Variants in NDUFB10 observed in about 807,000 individuals in gnomAD.
NDUFB10 encodes the protein NADH:ubiquinone oxidoreductase subunit B10, also known as NADH dehydrogenase [ubiquinone] 1 beta subcomplex subunit 10.
A neutral mutation model predicts 19.0 loss-of-function variants in NDUFB10; 23 were observed. The ratio of observed to expected loss-of-function variants is 1.21; its 90% CI spans 0.87 to 1.71. The LOEUF is 1.71. Ranked by LOEUF, NDUFB10 falls within the 40% of genes most tolerant of loss-of-function variation. The pLI is 0.00. For synonymous variants in NDUFB10, 104 were observed against 81.8 expected, an observed-to-expected ratio of 1.27 and a Z score of -1.46; for missense variants, 312 against 230.6, an observed-to-expected ratio of 1.35 and a Z score of -2.29.
intron 1 of NDUFB10, among the ~76,000 whole-genome samples, chr16:1,960,415 G>A (rs1250751470): frequency 6.6e-6 from 1 of 152,114 alleles, no homozygotes; most frequent in Non-Finnish European, 1.5e-5. Context: ...TAGACACGGG[G>A]TTTCACCATG....
At chr16:1,960,141 G>A (rs544894113) in intron 1 of NDUFB10, among the ~76,000 whole-genome samples, 8 of 152,010 alleles carry the variant, frequency 5.3e-5, no homozygotes, top group African/African-American at 1.9e-4. Context: ...TCTGCCGGAT[G>A]ACCAAGTGTC....
chr16:1,960,669 C>T (rs2083248098), intron 1 of NDUFB10, among the ~76,000 whole-genome samples: 3 of 152,236 alleles, frequency 2.0e-5, no homozygotes, highest in South Asian at 2.1e-4. Context: ...AGTTGTAGAG[C>T]ATGTCTGTCC....
At position 1,959,547 on chromosome 16, in the gene NDUFB10, G is replaced by T; in HGVS notation, c.-78G>T. 2 of 1,491,480 alleles carry T rather than the reference G, an allele frequency of 1.3e-6. No homozygotes were observed. Among genetic ancestry groups the T allele is most frequent in the Non-Finnish European group, 1.8e-6 (2 of 1,116,086 alleles). The allele number at this position is 1,491,480 out of a possible 1,614,324, so 92.4% of individuals were successfully genotyped here. A position where few individuals can be genotyped will look rare whatever the true frequency, so the allele number is the denominator to read the frequency against. The stretch of plus-strand genomic sequence containing the variant: ...GCCCTCGGCGTCCTCTGTAGCGGGC[G>T]ACCTAGGCCGCGGGACCCGGACGGA... On this transcript the variant is annotated 5_prime_UTR_variant, in exon 1 of 4. Transcript: ENST00000268668.
rs1427128670 is a variant in NDUFB10 at position 1,959,717 on chromosome 16, C to T, written c.93C>T (p.Phe31=). 1.2e-6 allele frequency: 2 copies of T among 1,613,322 alleles called. No individual in the cohort carries two copies. Among genetic ancestry groups the T allele is most frequent in the African/African-American group, 1.3e-5 (1 of 74,880 alleles). ...PNPIVYMMKA[F]DLIVDRPVTL... ...CCATCGTCTACATGATGAAAGCGTTCGACCTCATCGTGGACCGACCCGTGA... is the reference window on the plus strand; with the variant it reads ...CCATCGTCTACATGATGAAAGCGTTTGACCTCATCGTGGACCGACCCGTGA... The change falls in exon 1 of 4, where the codon TTC becomes TTT. Residue 31 remains phenylalanine, a synonymous_variant. Transcript: ENST00000268668.
At chr16:1,961,322 C>A in intron 2 of NDUFB10, 31 bp downstream of exon 2, 1 of 1,612,844 alleles carries the variant, frequency 6.2e-7, no homozygotes, top group Non-Finnish European at 8.5e-7. Flanking sequence ...GTGTGGAGAT[C>A]TGCACCGTGT....
At chr16:1,961,045 A>C in intron 1 of NDUFB10, 108 bp from the exon 2 acceptor site, 1 of 1,346,074 alleles carries the variant, frequency 7.4e-7, no homozygotes, top group Non-Finnish European at 1.0e-6. Flanking sequence ...ACGCTGGAAC[A>C]CTCAGGAAGT....
intron 1 of NDUFB10, among the ~76,000 whole-genome samples, chr16:1,960,248 C>G (rs2083244596): frequency 6.7e-6 from 1 of 150,322 alleles, no homozygotes; most frequent in Admixed American, 6.6e-5. Flanking sequence ...CTGAGACAGT[C>G]TCACTCTGTT....
Position 1,961,643 on chromosome 16 carries a change from G to GCCCCCCCCCCCCCCC in NDUFB10, c.409+11_409+12insCCCCCCCCCCCCCCC. On this transcript the variant is annotated splice_region_variant and intron_variant, in intron 3 of 3. Coordinates refer to ENST00000268668, the MANE Select transcript of NDUFB10 (RefSeq NM_004548.3). ...AAGGCCTACCAGGACCGCTGTGCGT[G>GCCCCCCCCCCCCCCC]CCCCACCCACCCCCAACCCCCCACC... 1 of 1,547,242 alleles carries GCCCCCCCCCCCCCCC rather than the reference G, an allele frequency of 6.5e-7. No individual in the cohort carries two copies. Among genetic ancestry groups the GCCCCCCCCCCCCCCC allele is most frequent in the East Asian group, 2.3e-5 (1 of 42,896 alleles).
In NDUFB10 at chr16:1,961,631, A is replaced by T; in HGVS notation, c.404A>T (p.Asp135Val). 1.2e-6 allele frequency: 2 copies of T among 1,611,394 alleles called. No homozygotes were observed. The highest frequency in any genetic ancestry group is 8.5e-7 in the Non-Finnish European group (1 of 1,179,482). The change falls in exon 3 of 4, where the codon GAC becomes GTC. Residue 135 changes from aspartate to valine, a missense_variant. By Grantham distance (152) the Asp-to-Val change is radical (BLOSUM62 -3). Transcript: ENST00000268668. ...ACCCAGGTGGCCAAGGCCTACCAGG[A>T]CCGCTGTGCGTGCCCCACCCACCCC... is the stretch of plus-strand genomic sequence containing the variant. Reference protein sequence around the residue: ...QFTQVAKAYQDRYQDLGAYSS... With the variant: ...QFTQVAKAYQVRYQDLGAYSS...
intron 1 of NDUFB10, among the ~76,000 whole-genome samples, chr16:1,960,499 G>A (rs1284077174): frequency 1.3e-5 from 2 of 152,168 alleles, no homozygotes; most frequent in East Asian, 3.8e-4. Context: ...GGGATTACAG[G>A]CCTGAGCCAC....
intron 3 of NDUFB10, 53 bp from the exon 4 acceptor site, chr16:1,961,744 C>G (rs1293711743): frequency 6.5e-7 from 1 of 1,538,508 alleles, no homozygotes; most frequent in South Asian, 1.2e-5. Context: ...ACTTTGCCCC[C>G]TTTGCATGTA....
chr16:1,961,045 A>G, intron 1 of NDUFB10, 108 bp from the exon 2 acceptor site: 1 of 1,346,074 alleles, frequency 7.4e-7, no homozygotes, highest in Non-Finnish European at 1.0e-6. Flanking sequence ...ACGCTGGAAC[A>G]CTCAGGAAGT....
At chr16:1,960,390 T>C (rs2083245739) in intron 1 of NDUFB10, among the ~76,000 whole-genome samples, 1 of 152,022 alleles carries the variant, frequency 6.6e-6, no homozygotes, top group Non-Finnish European at 1.5e-5. Flanking sequence ...GCCCAGCTAA[T>C]TTTTATATTT....
rs199934295 is a variant in NDUFB10 at position 1,959,794 on chromosome 16, G to A, written c.130+40G>A. ...CCCGGGGCTCCCTCGCCGGCCTCTG[G>A]GGACCCCTGGATCCCACACCCTGCC... On this transcript the variant is annotated intron_variant, in intron 1 of 3. Transcript: ENST00000268668. 136 of 1,609,182 alleles carry A rather than the reference G, an allele frequency of 8.5e-5. No individual in the cohort carries two copies. The East Asian group carries it at 2.9e-3, about 34-fold the overall frequency.
chr16:1,961,895 G>A lies in NDUFB10; in HGVS notation c.508G>A (p.Ala170Thr), dbSNP rs919014616. The change falls in exon 4 of 4, where the codon GCC becomes ACC. Residue 170 changes from alanine (A) to threonine (T), a missense_variant. Coordinates refer to ENST00000268668, the MANE Select transcript of NDUFB10 (RefSeq NM_004548.3). Reference sequence around the variant, plus strand: ...AAAAGCTGCAAAAGAGGCCGCCGCTGCCACCTCCTGAGGCAGCTGTGGGTG... The same window carrying A: ...AAAAGCTGCAAAAGAGGCCGCCGCTACCACCTCCTGAGGCAGCTGTGGGTG... Reference protein sequence around the residue: ...ERKAAKEAAAATS With the variant: ...ERKAAKEAAATTS The A allele has an allele frequency of 1.9e-6, 3 of 1,560,094 alleles. No individual in the cohort carries two copies. The highest frequency in any genetic ancestry group is 1.9e-5 in the Admixed American group (1 of 51,676).
intron 2 of NDUFB10, 22 bp downstream of exon 2, chr16:1,961,313 T>G (rs1435484627): frequency 1.2e-6 from 2 of 1,613,036 alleles, no homozygotes; most frequent in South Asian, 1.1e-5. Context: ...ATGCTGGGAG[T>G]GTGGAGATCT....
chr16:1,959,636 CTGGGACAAG>C lies in NDUFB10; in HGVS notation c.13_21del (p.Trp5_Lys7del). 1 of 1,610,502 alleles carries C rather than the reference CTGGGACAAG, an allele frequency of 6.2e-7. No individual in the cohort carries two copies. The highest frequency in any genetic ancestry group is 8.5e-7 in the Non-Finnish European group (1 of 1,178,584). On this transcript the variant is annotated inframe_deletion, in exon 1 of 4. Transcript: ENST00000268668. The stretch of plus-strand genomic sequence containing the variant: ...CGCCCGCCGCCGCCATGCCGGACAG[CTGGGACAAG>C]GATGTGTACCCTGAGCCCCCGCGCC...
Position 1,959,826 on chromosome 16 carries a change from C to T in NDUFB10, c.130+72C>T, listed in dbSNP as rs2083241760. ...CTGGATCCCACACCCTGCCTGGATC[C>T]TCCAATGCCTCCGGGGTCCCGTCTG... is the stretch of plus-strand genomic sequence containing the variant. On this transcript the variant is annotated intron_variant, in intron 1 of 3. Transcript: ENST00000268668. The T allele has an allele frequency of 1.9e-6, 3 of 1,578,560 alleles. No homozygotes were observed. In the South Asian group the frequency reaches 3.4e-5, roughly 18 times the overall value.
chr16:1,961,004 TC>T, intron 1 of NDUFB10, 148 bp from the exon 2 acceptor site: 5 of 976,066 alleles, frequency 5.1e-6, no homozygotes, highest in Non-Finnish European at 5.9e-6. Context: ...GCTGGCCACA[TC>T]CCTTAGAGAG....
Sources: allele counts gnomAD v4.1 joint callset (sites outside exome capture counted in the v4.1 genomes callset), GRCh38; gene constraint gnomAD v4.1.1; transcripts MANE v1.5; gene names NCBI Gene and HGNC (gene_info 2026-07-23, HGNC 2026-07-21).